CAMSAP1: variants seen among roughly 807,000 people sequenced by gnomAD.
The protein encoded by CAMSAP1 is calmodulin regulated spectrin associated protein 1.
Under a neutral mutation model 143.5 loss-of-function variants are expected in CAMSAP1, and 58 were observed. That is an observed-to-expected ratio of 0.40 (90% CI 0.33 to 0.50). The LOEUF (loss-of-function observed/expected upper bound fraction) is 0.50, where lower values mean the gene tolerates loss of function less well. CAMSAP1 is among the 20% of genes least tolerant of loss of function. The pLI is 0.45. For missense variants in CAMSAP1, 1,969 were observed against 2,115.7 expected (o/e 0.93, Z 1.36); for synonymous variants, 945 against 859.3 (o/e 1.10, Z -1.74).
intron 3 of CAMSAP1, among the ~76,000 whole-genome samples, chr9:135,870,686 T>C (rs958413549): frequency 6.6e-6 from 1 of 152,094 alleles, no homozygotes; most frequent in African/African-American, 2.4e-5. Flanking sequence ...TCCCAGTTAC[T>C]TGGGAGGCTA....
At chr9:135,851,387 A>G (rs1836779336) in intron 5 of CAMSAP1, among the ~76,000 whole-genome samples, 1 of 152,224 alleles carries the variant, frequency 6.6e-6, no homozygotes, top group Admixed American at 6.5e-5. Flanking sequence ...CCTAAGCAGC[A>G]TTCATTCTCA....
intron 7 of CAMSAP1, among the ~76,000 whole-genome samples, chr9:135,839,167 C>A (rs1298919500): frequency 1.3e-5 from 2 of 152,222 alleles, no homozygotes; most frequent in Non-Finnish European, 2.9e-5. Flanking sequence ...CCTGAGGAAA[C>A]TGATTCATCC....
chr9:135,830,132 T>C (rs1835809547), intron 7 of CAMSAP1, among the ~76,000 whole-genome samples: 2 of 151,494 alleles, frequency 1.3e-5, no homozygotes, highest in African/African-American at 2.4e-5. Flanking sequence ...AAAACACAAA[T>C]GAAGATAGCA....
intron 1 of CAMSAP1, among the ~76,000 whole-genome samples, chr9:135,903,042 A>C (rs1340299770): frequency 1.3e-5 from 2 of 152,222 alleles, no homozygotes; most frequent in African/African-American, 4.8e-5. Flanking sequence ...TTGAGAGATA[A>C]TAAAAGCTTG....
intron 1 of CAMSAP1, among the ~76,000 whole-genome samples, chr9:135,891,947 A>G (rs1018015709): frequency 6.6e-6 from 1 of 152,258 alleles, no homozygotes; most frequent in Non-Finnish European, 1.5e-5. Flanking sequence ...CAGAGGAGTC[A>G]GTGAATATGA....
In CAMSAP1 at chr9:135,882,563, T is replaced by C. The variant is rs1437211384; in HGVS notation, c.423+253A>G. 1.3e-5 allele frequency among the ~76,000 whole-genome samples: 2 copies of C among 152,332 alleles called. No individual in the cohort carries two copies. Among genetic ancestry groups the C allele is most frequent in the East Asian group, 3.9e-4 (2 of 5,180 alleles). On this transcript the variant is annotated intron_variant, in intron 2 of 16. Coordinates refer to ENST00000389532, the MANE Select transcript of CAMSAP1 (RefSeq NM_015447.4). The surrounding 1 kb of genome is among the most constrained non-coding windows in gnomAD (Gnocchi z 4.9). Reference sequence around the variant, plus strand: ...AAGTATTTTTATTAACAGGCCTCACTCCAATCTCAGCATTCACAGAGCATT... The same window carrying C: ...AAGTATTTTTATTAACAGGCCTCACCCCAATCTCAGCATTCACAGAGCATT...
chr9:135,843,638 G>A (rs773032274), intron 7 of CAMSAP1, among the ~76,000 whole-genome samples: 12 of 152,032 alleles, frequency 7.9e-5, no homozygotes, highest in East Asian at 3.9e-4. Flanking sequence ...CTGGGAGGCC[G>A]AGACAGGTGG....
chr9:135,877,076 A>C (rs772981777), intron 3 of CAMSAP1, among the ~76,000 whole-genome samples: 4 of 152,156 alleles, frequency 2.6e-5, no homozygotes, highest in South Asian at 2.1e-4. Context: ...AAACAGGCAA[A>C]AACTGGAAAC....
chr9:135,888,325 G>A (rs940256038), intron 1 of CAMSAP1, among the ~76,000 whole-genome samples: 1 of 152,212 alleles, frequency 6.6e-6, no homozygotes, highest in African/African-American at 2.4e-5. Flanking sequence ...GTCGACTGCA[G>A]CCCTCCCGCG....
chr9:135,843,271 G>A (rs1316057713), intron 7 of CAMSAP1, among the ~76,000 whole-genome samples: 2 of 152,040 alleles, frequency 1.3e-5, no homozygotes, highest in African/African-American at 4.8e-5. Flanking sequence ...AGGCTGCAGT[G>A]AGCCAAGACC....
intron 3 of CAMSAP1, among the ~76,000 whole-genome samples, chr9:135,871,264 T>A (rs868057593): frequency 2.6e-5 from 4 of 152,136 alleles, no homozygotes; most frequent in Non-Finnish European, 5.9e-5. Flanking sequence ...TCACGGCTCA[T>A]TGCAGCCTCA....
intron 7 of CAMSAP1, among the ~76,000 whole-genome samples, chr9:135,849,346 G>A (rs1588471611): frequency 2.6e-5 from 4 of 152,306 alleles, no homozygotes; most frequent in South Asian, 2.1e-4. Context: ...AACGTGCATC[G>A]CTTTTGCACC....
At chr9:135,846,772 A>T (rs369385299) in intron 7 of CAMSAP1, among the ~76,000 whole-genome samples, 2 of 152,160 alleles carry the variant, frequency 1.3e-5, no homozygotes, top group Non-Finnish European at 2.9e-5. Flanking sequence ...GCCGACAAAC[A>T]TAAGAAAAAA....
intron 5 of CAMSAP1, among the ~76,000 whole-genome samples, chr9:135,858,958 C>T (rs1588480052): frequency 6.6e-6 from 1 of 152,204 alleles, no homozygotes; most frequent in South Asian, 2.1e-4. Context: ...GTCTTCCCTT[C>T]TCAAGCCACT....
intron 7 of CAMSAP1, among the ~76,000 whole-genome samples, chr9:135,849,313 C>A (rs1053949451): frequency 6.6e-5 from 10 of 152,214 alleles, no homozygotes; most frequent in Non-Finnish European, 1.5e-4. Flanking sequence ...GGTTGTAGGG[C>A]ACAGGAAACA....
At chr9:135,833,122 C>G (rs549244935) in intron 7 of CAMSAP1, among the ~76,000 whole-genome samples, 1 of 150,716 alleles carries the variant, frequency 6.6e-6, no homozygotes, top group Non-Finnish European at 1.5e-5. Context: ...CGCTCTGTCG[C>G]CCAGGCTGGA....
chr9:135,848,815 A>T (rs1273101408), intron 7 of CAMSAP1, among the ~76,000 whole-genome samples: 2 of 152,230 alleles, frequency 1.3e-5, no homozygotes, highest in Middle Eastern at 3.2e-3. Flanking sequence ...CTGATGCACA[A>T]GTACCAAGTT....
intron 1 of CAMSAP1, among the ~76,000 whole-genome samples, chr9:135,895,898 AC>A (rs1156738447): frequency 6.6e-6 from 1 of 152,208 alleles, no homozygotes; most frequent in Admixed American, 6.5e-5. Context: ...ACACCCAAAA[AC>A]AATATAAATA....
At chr9:135,853,423 C>G (rs1324628534) in intron 5 of CAMSAP1, among the ~76,000 whole-genome samples, 1 of 152,166 alleles carries the variant, frequency 6.6e-6, no homozygotes, top group Non-Finnish European at 1.5e-5. Flanking sequence ...TTGAGAGAGA[C>G]ACAGAAATAA....
Sources: gnomAD v4.1 joint callset for allele counts (sites outside exome capture counted in the v4.1 genomes callset) on GRCh38, gnomAD v4.1.1 for gene constraint, Gnocchi (gnomAD v3.1) non-coding constraint, MANE v1.5 for transcripts, NCBI Gene and HGNC (gene_info 2026-07-23, HGNC 2026-07-21) for gene names.